ZC3H12B: variants seen among roughly 807,000 people sequenced by gnomAD.
The protein encoded by ZC3H12B is probable ribonuclease ZC3H12B.
A neutral mutation model predicts 43.9 loss-of-function variants in ZC3H12B; 7 were observed. The ratio of observed to expected loss-of-function variants is 0.16; its 90% CI spans 0.09 to 0.30. ZC3H12B has a LOEUF of 0.30. Among genes scored for constraint, ZC3H12B ranks in the 10% least tolerant of loss-of-function variants. The pLI is 1.00. For synonymous variants in ZC3H12B, 222 were observed against 241.7 expected (o/e 0.92, Z 0.76); for missense variants, 475 against 670.2 (o/e 0.71, Z 3.22).
the ZC3H12B span, among the ~76,000 whole-genome samples, chrX:65,244,845 A>G: frequency 9.1e-6 from 1 of 110,111 alleles, no homozygotes; most frequent in East Asian, 2.8e-4. Flanking sequence ...CTTATTATGT[A>G]TGTTCGATTA....
chrX:65,264,476 T>C, the ZC3H12B span, among the ~76,000 whole-genome samples: 2 of 111,977 alleles, frequency 1.8e-5, no homozygotes, highest in African/African-American at 6.5e-5. Context: ...CTAATTTTTA[T>C]CTATACAGAA....
At chrX:65,163,807 A>T in the ZC3H12B span, among the ~76,000 whole-genome samples, 1 of 111,572 alleles carries the variant, frequency 9.0e-6, no homozygotes, top group Non-Finnish European at 1.9e-5. Flanking sequence ...GGCACTCCCT[A>T]GTGAGATGAA....
upstream of ZC3H12B, among the ~76,000 whole-genome samples, chrX:65,363,063 C>T (rs1013824346): frequency 9.0e-6 from 1 of 111,646 alleles, no homozygotes; most frequent in Non-Finnish European, 1.9e-5. Context: ...AGCAACTTAC[C>T]TGGGCTGTAC....
At chrX:65,253,914 A>G in the ZC3H12B span, among the ~76,000 whole-genome samples, 1 of 111,958 alleles carries the variant, frequency 8.9e-6, no homozygotes, top group African/African-American at 3.3e-5. Flanking sequence ...AGAGGCAGAC[A>G]TTGACTCCAC....
chrX:65,502,841 G>C (rs759811849), exon 5 of ZC3H12B: 1 of 1,210,773 alleles, frequency 8.3e-7, no homozygotes, highest in South Asian at 1.8e-5. Context: ...GAGCAACCCC[G>C]TGAGGCAAAG....
the ZC3H12B span, among the ~76,000 whole-genome samples, chrX:65,087,137 G>A: frequency 9.1e-6 from 1 of 110,417 alleles, no homozygotes; most frequent in Admixed American, 9.7e-5. Flanking sequence ...CCCACAATAG[G>A]TGCGTTTCCC....
chrX:65,129,657 A>T, the ZC3H12B span, among the ~76,000 whole-genome samples: 1 of 111,318 alleles, frequency 9.0e-6, no homozygotes, highest in Non-Finnish European at 1.9e-5. Flanking sequence ...CACAGAGTAT[A>T]TGATGGCTTA....
the ZC3H12B span, among the ~76,000 whole-genome samples, chrX:65,326,488 G>A: frequency 1.8e-5 from 2 of 110,340 alleles, no homozygotes; most frequent in East Asian, 5.6e-4. Flanking sequence ...CAGATAAGGG[G>A]TGACCACAGG....
chrX:65,409,703 T>G (rs1050718071), intron 3 of ZC3H12B, among the ~76,000 whole-genome samples: 3 of 109,099 alleles, frequency 2.7e-5, no homozygotes, highest in Non-Finnish European at 3.8e-5. Flanking sequence ...AAAAAGAAAT[T>G]TAAAAAGTAA....
At chrX:65,117,306 G>T in the ZC3H12B span, among the ~76,000 whole-genome samples, 1 of 112,119 alleles carries the variant, frequency 8.9e-6, no homozygotes, top group Admixed American at 9.4e-5. Flanking sequence ...TTCTCTGATG[G>T]CCAGTGATGA....
At chrX:65,480,094 T>C (rs2068045311) in intron 3 of ZC3H12B, among the ~76,000 whole-genome samples, 1 of 112,766 alleles carries the variant, frequency 8.9e-6, no homozygotes, top group African/African-American at 3.2e-5. Context: ...GAAAAGTTGA[T>C]ATTAACAATT....
chrX:65,318,570 C>T, the ZC3H12B span, among the ~76,000 whole-genome samples: 2 of 110,306 alleles, frequency 1.8e-5, no homozygotes, highest in South Asian at 7.7e-4. Flanking sequence ...CAGGCACATG[C>T]CACCACACCC....
At chrX:65,366,883 T>C (rs2066181253) in intron 1 of ZC3H12B, 117 bp downstream of exon 3, 2 of 112,488 alleles carry the variant, frequency 1.8e-5, no homozygotes, top group Non-Finnish European at 3.8e-5. Flanking sequence ...GACAGTCAAC[T>C]CACAAAAATA....
At chrX:65,156,308 C>T in the ZC3H12B span, among the ~76,000 whole-genome samples, 2 of 111,552 alleles carry the variant, frequency 1.8e-5, no homozygotes, top group African/African-American at 6.5e-5. Flanking sequence ...TAAACTGATC[C>T]TCCCATCTCA....
At chrX:65,193,983 C>T in the ZC3H12B span, among the ~76,000 whole-genome samples, 2 of 110,706 alleles carry the variant, frequency 1.8e-5, no homozygotes, top group African/African-American at 6.6e-5. Context: ...GGGGAGCCAA[C>T]ACTTCATGTG....
the ZC3H12B span, among the ~76,000 whole-genome samples, chrX:65,169,988 A>G: frequency 1.8e-5 from 2 of 111,731 alleles, no homozygotes; most frequent in South Asian, 3.7e-4. Context: ...TCTTTATCCA[A>G]TTTGCCAGTC....
chrX:65,480,305 G>A (rs988396829), intron 3 of ZC3H12B, among the ~76,000 whole-genome samples: 3 of 111,784 alleles, frequency 2.7e-5, no homozygotes, highest in African/African-American at 9.8e-5. Flanking sequence ...TTTCTACTGT[G>A]GGAAAAAAAG....
the ZC3H12B span, among the ~76,000 whole-genome samples, chrX:65,318,454 G>C: frequency 2.1e-5 from 2 of 96,618 alleles, no homozygotes; most frequent in South Asian, 4.9e-4. Context: ...CACTCCTGTT[G>C]CCTAGGCTGG....
chrX:65,251,234 G>C, the ZC3H12B span, among the ~76,000 whole-genome samples: 1 of 111,694 alleles, frequency 9.0e-6, no homozygotes, highest in Admixed American at 9.5e-5. Flanking sequence ...GTTTGTCAAA[G>C]ATCAGATGGT....
Sources: allele counts gnomAD v4.1 joint callset (sites outside exome capture counted in the v4.1 genomes callset), GRCh38; gene constraint gnomAD v4.1.1; transcripts MANE v1.5; gene names NCBI Gene and HGNC (gene_info 2026-07-23, HGNC 2026-07-21).